Variants in RTN1 observed in about 807,000 individuals in gnomAD.
RTN1 encodes the protein reticulon-1.
In RTN1, 25 loss-of-function variants were observed where a neutral mutation model predicts 65.5. That is an observed-to-expected ratio of 0.38 (90% confidence interval 0.28 to 0.53). The LOEUF (loss-of-function observed/expected upper bound fraction) is 0.53, where lower values mean the gene tolerates loss of function less well. RTN1 is among the 20% of genes least tolerant of loss of function. The pLI is 0.79. For synonymous variants in RTN1, 471 were observed against 447.6 expected (o/e 1.05, Z -0.66); for missense variants, 983 against 1,025.4 (o/e 0.96, Z 0.57).
chr14:59,666,871 C>A (rs1883387354), intron 3 of RTN1, among the ~76,000 whole-genome samples: 2 of 151,080 alleles, frequency 1.3e-5, no homozygotes, highest in Non-Finnish European at 2.9e-5. Context: ...CACACATACA[C>A]CCTCCCAAGA....
At position 59,870,704 on chromosome 14, in the gene RTN1, C is replaced by T. The variant is rs1049267718; in HGVS notation, c.-74G>A. 1.5e-6 allele frequency: 2 copies of T among 1,291,790 alleles called. No individual in the cohort carries two copies. Among genetic ancestry groups the T allele is most frequent in the South Asian group, 4.8e-5 (2 of 41,622 alleles). 80.0% of individuals were successfully genotyped at this position (1,291,790 alleles called of 1,614,324 possible). A position where few individuals can be genotyped will look rare whatever the true frequency, so the allele number is the denominator to read the frequency against. On this transcript the variant is annotated 5_prime_UTR_variant, in exon 1 of 9. Transcript: ENST00000267484. The surrounding 1 kb of genome is among the most constrained non-coding windows in gnomAD (Gnocchi z 5.1). ...TCGGTGGCTGCGCGGGCGCTCCCTGCTGCTGTCCCCGGAGGGACTCGGCGC... is the reference window on the plus strand; with the variant it reads ...TCGGTGGCTGCGCGGGCGCTCCCTGTTGCTGTCCCCGGAGGGACTCGGCGC...
chr14:59,749,056 G>T (rs1885292011), intron 1 of RTN1, among the ~76,000 whole-genome samples: 1 of 147,922 alleles, frequency 6.8e-6, no homozygotes, highest in Admixed American at 6.8e-5. Context: ...CCCCAGTGCT[G>T]GGATTACAGG....
chr14:59,759,011 T>C (rs1039418946), intron 1 of RTN1, among the ~76,000 whole-genome samples: 2 of 152,192 alleles, frequency 1.3e-5, no homozygotes, highest in African/African-American at 4.8e-5. Flanking sequence ...TTGGATGCAG[T>C]AGAAGTGATG....
At chr14:59,677,635 G>A (rs1248009179) in intron 3 of RTN1, among the ~76,000 whole-genome samples, 4 of 152,106 alleles carry the variant, frequency 2.6e-5, no homozygotes, top group Admixed American at 2.6e-4. Context: ...GTCCTGAGGC[G>A]GGAGATGCAA....
chr14:59,810,976 G>C (rs959358951), intron 1 of RTN1, among the ~76,000 whole-genome samples: 3 of 152,116 alleles, frequency 2.0e-5, no homozygotes, highest in Non-Finnish European at 2.9e-5. Flanking sequence ...AGCAAACAAA[G>C]CAATCTATTG....
Position 59,611,282 on chromosome 14 carries a change from A to G in RTN1, c.1766-3790T>C, listed in dbSNP as rs999150142. Among the ~76,000 whole-genome samples the G allele has an allele frequency of 2.6e-5, 4 of 152,298 alleles. No homozygotes were observed. The South Asian group carries it at 6.2e-4, about 24-fold the overall frequency. ...GCCCCCCTCCAGTGATGGATCCAGA[A>G]GCCAGCCCAAGTGGCCTCCTAGTTC... On this transcript the variant is annotated intron_variant, in intron 3 of 8. Coordinates refer to ENST00000267484, the MANE Select transcript of RTN1 (RefSeq NM_021136.3).
intron 1 of RTN1, among the ~76,000 whole-genome samples, chr14:59,750,433 T>C (rs1374033567): frequency 1.4e-5 from 1 of 71,014 alleles, no homozygotes; most frequent in African/African-American, 5.7e-5. Context: ...AATATATCTA[T>C]AATATATAAT....
chr14:59,600,698 T>TTAG (rs904918071), intron 8 of RTN1, among the ~76,000 whole-genome samples: 2 of 152,190 alleles, frequency 1.3e-5, no homozygotes, highest in Non-Finnish European at 2.9e-5. Context: ...CCATGTGACT[T>TTAG]GCCTAGTTTC....
intron 3 of RTN1, chr14:59,630,692 A>G: frequency 8.6e-7 from 1 of 1,165,970 alleles, no homozygotes; most frequent in Non-Finnish European, 1.1e-6. Flanking sequence ...CGCGGCCGGC[A>G]GCGAATCAGC....
At chr14:59,796,988 T>C (rs1346075866) in intron 1 of RTN1, among the ~76,000 whole-genome samples, 1 of 152,178 alleles carries the variant, frequency 6.6e-6, no homozygotes, top group Non-Finnish European at 1.5e-5. Flanking sequence ...GTTAAGGTTA[T>C]ATATGAACTC....
intron 3 of RTN1, among the ~76,000 whole-genome samples, chr14:59,656,793 G>A (rs1228611127): frequency 6.6e-6 from 1 of 152,180 alleles, no homozygotes; most frequent in Non-Finnish European, 1.5e-5. Context: ...AGTGGTTTCT[G>A]CAGTCTTCAC....
intron 3 of RTN1, among the ~76,000 whole-genome samples, chr14:59,617,511 T>G (rs1882136320): frequency 6.6e-6 from 1 of 152,224 alleles, no homozygotes; most frequent in South Asian, 2.1e-4. Flanking sequence ...TAAAATTCAT[T>G]TTATAAACAA....
intron 1 of RTN1, among the ~76,000 whole-genome samples, chr14:59,869,852 G>A (rs1218862594): frequency 6.6e-6 from 1 of 152,170 alleles, no homozygotes; most frequent in African/African-American, 2.4e-5. Context: ...GATGTGGGGG[G>A]AGTAAGGTGT....
At chr14:59,817,410 A>C (rs1886841935) in intron 1 of RTN1, among the ~76,000 whole-genome samples, 1 of 152,224 alleles carries the variant, frequency 6.6e-6, no homozygotes. Flanking sequence ...GTCATCAAGC[A>C]GCCCTATTGT....
intron 3 of RTN1, among the ~76,000 whole-genome samples, chr14:59,634,236 T>G (rs1398416743): frequency 1.3e-5 from 2 of 152,188 alleles, no homozygotes; most frequent in Non-Finnish European, 2.9e-5. Flanking sequence ...CATTCACAGA[T>G]GCACTGCGTT....
chr14:59,597,203 T>C (rs369917933), intron 8 of RTN1, among the ~76,000 whole-genome samples: 8 of 152,252 alleles, frequency 5.3e-5, no homozygotes, highest in African/African-American at 1.9e-4. Context: ...GGATATAATC[T>C]GTTCCTATGT....
intron 2 of RTN1, among the ~76,000 whole-genome samples, chr14:59,735,792 G>C (rs1211172603): frequency 6.6e-6 from 1 of 152,090 alleles, no homozygotes; most frequent in Non-Finnish European, 1.5e-5. Flanking sequence ...AACAGTGGGA[G>C]ACTTTAACAC....
chr14:59,856,745 T>C (rs1056222644), intron 1 of RTN1, among the ~76,000 whole-genome samples: 2 of 152,210 alleles, frequency 1.3e-5, no homozygotes, highest in Admixed American at 1.3e-4. Flanking sequence ...CATTTTATAG[T>C]AAAACATCTA....
intron 2 of RTN1, among the ~76,000 whole-genome samples, chr14:59,732,600 A>C (rs1053479835): frequency 6.6e-6 from 1 of 152,156 alleles, no homozygotes; most frequent in Non-Finnish European, 1.5e-5. Flanking sequence ...CAACTCTCGG[A>C]TCAGGAGATC....
Sources: gnomAD v4.1 joint callset for allele counts (sites outside exome capture counted in the v4.1 genomes callset) on GRCh38, gnomAD v4.1.1 for gene constraint, Gnocchi (gnomAD v3.1) non-coding constraint, MANE v1.5 for transcripts, NCBI Gene and HGNC (gene_info 2026-07-23, HGNC 2026-07-21) for gene names.